The following UQCRB variants were observed in gnomAD, a reference collection of about 807,000 sequenced individuals.
UQCRB encodes the protein cytochrome b-c1 complex subunit 7.
In UQCRB, 12 loss-of-function variants were observed where a neutral mutation model predicts 19.8. The ratio of observed to expected loss-of-function variants is 0.61; its 90% CI spans 0.39 to 0.98. UQCRB has a LOEUF of 0.98. Among genes scored for constraint, UQCRB ranks in the 50% least tolerant of loss-of-function variants. The pLI, the probability that UQCRB is intolerant of heterozygous loss-of-function variation, is 0.00. For missense variants in UQCRB, 142 were observed against 131.8 expected (o/e 1.08, Z -0.38); for synonymous variants, 39 against 42.9 (o/e 0.91, Z 0.35).
In UQCRB at chr8:96,229,430, CTT is replaced by C. The variant is rs1809606698; in HGVS notation, c.*1623_*1624del. 2.2e-6 allele frequency: 1 copy of C among 454,014 alleles called. No homozygotes were observed. Among genetic ancestry groups the C allele is most frequent in the African/African-American group, 2.0e-5 (1 of 50,006 alleles). 28.1% of individuals were successfully genotyped at this position (454,014 alleles called of 1,614,324 possible). On this transcript the variant is annotated 3_prime_UTR_variant, in exon 4 of 4. Transcript: ENST00000287022. ...GCTCCCTACACACCTTGACAGTGCTCTTTGAGATGCCTCAGTTGTAGTCTCCT... is the reference window on the plus strand; with the variant it reads ...GCTCCCTACACACCTTGACAGTGCTCTGAGATGCCTCAGTTGTAGTCTCCT...
chr8:96,228,879 G>A lies in UQCRB; in HGVS notation c.*2176C>T. On this transcript the variant is annotated 3_prime_UTR_variant, in exon 4 of 4. Coordinates refer to ENST00000287022, the MANE Select transcript of UQCRB (RefSeq NM_006294.5). ...AGGACAATGTAGATTTGGTCTACAG[G>A]ACAATGCAGAGTGCCTGTGTTTCAG... The A allele has an allele frequency of 2.2e-6, 1 of 454,080 alleles. No individual in the cohort carries two copies. Among genetic ancestry groups the A allele is most frequent in the South Asian group, 1.6e-5 (1 of 64,476 alleles). 28.1% of individuals were successfully genotyped at this position (454,080 alleles called of 1,614,324 possible).
chr8:96,231,149 A>G lies in UQCRB; in HGVS notation c.259-17T>C. 6.2e-7 allele frequency: 1 copy of G among 1,614,140 alleles called. No homozygotes were observed. Among genetic ancestry groups the G allele is most frequent in the East Asian group, 2.2e-5 (1 of 44,862 alleles). On this transcript the variant is annotated splice_polypyrimidine_tract_variant and intron_variant, in intron 3 of 3. Coordinates refer to ENST00000287022, the MANE Select transcript of UQCRB (RefSeq NM_006294.5). ...GAAATTTTCCTAAAGAATGAATGAA[A>G]TATTATATGTTACCATCACGTACTG...
intron 3 of UQCRB, 159 bp from the exon 4 acceptor site, chr8:96,231,291 A>T (rs1003322181): frequency 6.4e-6 from 10 of 1,557,312 alleles, no homozygotes; most frequent in Non-Finnish European, 8.7e-6. Flanking sequence ...TAAAATGTCA[A>T]ATCTGTGGTG....
rs1809480991 is a variant in UQCRB at position 96,223,617 on chromosome 8, A to T, written c.*7438T>A. ...AGCTTCTCTCAGTAGGCAGAATTTA[A>T]TTTTTGTCTTAAAGTAAAGCTAGAA... is the stretch of plus-strand genomic sequence containing the variant. On this transcript the variant is annotated 3_prime_UTR_variant, in exon 4 of 4. Coordinates refer to ENST00000287022, the MANE Select transcript of UQCRB (RefSeq NM_006294.5). Among the ~76,000 whole-genome samples, 1 of 148,278 alleles carries T rather than the reference A, an allele frequency of 6.7e-6. No homozygotes were observed. The highest frequency in any genetic ancestry group is 1.5e-5 in the Non-Finnish European group (1 of 67,482).
chr8:96,230,712 C>T lies in UQCRB; in HGVS notation c.*343G>A, dbSNP rs958021364. 44 of 486,688 alleles carry T rather than the reference C, an allele frequency of 9.0e-5. No homozygotes were observed. The highest frequency in any genetic ancestry group is 8.3e-4 in the Admixed American group (36 of 43,508). The allele number at this position is 486,688 out of a possible 1,614,324, so 30.1% of individuals were successfully genotyped here. A position where few individuals can be genotyped will look rare whatever the true frequency, so the allele number is the denominator to read the frequency against. On this transcript the variant is annotated 3_prime_UTR_variant, in exon 4 of 4. Transcript: ENST00000287022. ...TTGGCAAACTAGGGGGTGCATACCC[C>T]CTTCTTTTATTCAGTAGCTTCCATA... is the stretch of plus-strand genomic sequence containing the variant.
Position 96,228,708 on chromosome 8 carries a change from C to T in UQCRB, c.*2347G>A. 1 of 452,010 alleles carries T rather than the reference C, an allele frequency of 2.2e-6. No homozygotes were observed. Among genetic ancestry groups the T allele is most frequent in the East Asian group, 7.0e-5 (1 of 14,366 alleles). 28.0% of individuals were successfully genotyped at this position (452,010 alleles called of 1,614,324 possible). Reference sequence around the variant, plus strand: ...TCTATCATTAGCTCTATCTTAGGGACAAACAAACTGAAGCACGGAGAGGTT... The same window carrying T: ...TCTATCATTAGCTCTATCTTAGGGATAAACAAACTGAAGCACGGAGAGGTT... On this transcript the variant is annotated 3_prime_UTR_variant, in exon 4 of 4. Coordinates refer to ENST00000287022, the MANE Select transcript of UQCRB (RefSeq NM_006294.5).
At chr8:96,235,435 A>G (rs982771188) in intron 1 of UQCRB, 77 bp downstream of exon 1, 4 of 1,604,680 alleles carry the variant, frequency 2.5e-6, no homozygotes, top group Admixed American at 3.3e-5. Context: ...CAAAGAAGAG[A>G]GAAAACGGAG....
Position 96,223,291 on chromosome 8 carries a change from T to C in UQCRB, c.*7764A>G, listed in dbSNP as rs570033770. ...TATCAAAACATCATGCTGTACACCT[T>C]AAATAAAAAAGAAAAGACAACATAG... is the stretch of plus-strand genomic sequence containing the variant. On this transcript the variant is annotated 3_prime_UTR_variant, in exon 4 of 4. Transcript: ENST00000287022. Among the ~76,000 whole-genome samples, 4 of 152,180 alleles carry C rather than the reference T, an allele frequency of 2.6e-5. No homozygotes were observed. Among genetic ancestry groups the C allele is most frequent in the Admixed American group, 2.6e-4 (4 of 15,286 alleles).
intron 1 of UQCRB, chr8:96,234,643 C>T (rs1809758124): frequency 5.6e-6 from 3 of 531,296 alleles, no homozygotes; most frequent in Non-Finnish European, 9.7e-6. Context: ...TTCCTAACAG[C>T]TTCACAATTG....
Position 96,231,922 on chromosome 8 carries a change from G to C in UQCRB, c.110C>G (p.Thr37Arg), listed in dbSNP as rs758600342. The C allele has an allele frequency of 1.2e-6, 2 of 1,613,326 alleles. No homozygotes were observed. The highest frequency in any genetic ancestry group is 1.3e-5 in the African/African-American group (1 of 75,026). ...TTTTACATCTTCATCCTCGTATATT[G>C]TATCATCTCGCATTAACCCTATGAT... is the stretch of plus-strand genomic sequence containing the variant. Reference protein sequence around the residue: ...FNKLGLMRDDTIYEDEDVKEA... With the variant: ...FNKLGLMRDDRIYEDEDVKEA... Residue 37 changes from threonine to arginine, a missense_variant, in exon 3 of 4, where the codon ACA becomes AGA. Physicochemically the swap from Thr to Arg is moderately conservative, Grantham distance 71. Around this residue, in one of 2 missense-constraint regions of UQCRB, gnomAD observed 132 missense variants for 107.5 expected, o/e 1.23. Transcript: ENST00000287022.
At position 96,232,082 on chromosome 8, in the gene UQCRB, A is replaced by G; in HGVS notation, c.92-142T>C. 4 of 783,080 alleles carry G rather than the reference A, an allele frequency of 5.1e-6. No homozygotes were observed. In the South Asian group the frequency reaches 6.5e-5, roughly 13 times the overall value. The allele number at this position is 783,080 out of a possible 1,614,324, so 48.5% of individuals were successfully genotyped here. A position where few individuals can be genotyped will look rare whatever the true frequency, so the allele number is the denominator to read the frequency against. ...AATCACTAGGTTCAATGGAAATTCA[A>G]TGCATTTCATACATTATAGGTTGGT... On this transcript the variant is annotated intron_variant, in intron 2 of 3. Transcript: ENST00000287022.
Position 96,233,211 on chromosome 8 carries a change from C to T in UQCRB, c.36G>A (p.Lys12=). The T allele has an allele frequency of 6.2e-7, 1 of 1,613,642 alleles. No homozygotes were observed. The highest frequency in any genetic ancestry group is 2.2e-5 in the East Asian group (1 of 44,856). ...AGKQAVSASG[K]WLDGIRKWYY... Reference sequence around the variant, plus strand: ...ACCATTTTCGAATACCATCCAGCCACTTGCCTGATGCTGAAACTGATAATT... The same window carrying T: ...ACCATTTTCGAATACCATCCAGCCATTTGCCTGATGCTGAAACTGATAATT... The change falls in exon 2 of 4, where the codon AAG becomes AAA. Residue 12 remains lysine (K), a synonymous_variant. Coordinates refer to ENST00000287022, the MANE Select transcript of UQCRB (RefSeq NM_006294.5).
chr8:96,232,993 A>T, intron 2 of UQCRB, 163 bp downstream of exon 2: 1 of 659,772 alleles, frequency 1.5e-6, no homozygotes, highest in Non-Finnish European at 2.6e-6. Flanking sequence ...AACTGGATTT[A>T]ACATAATGTG....
At position 96,229,888 on chromosome 8, in the gene UQCRB, A is replaced by G. The variant is rs1259098422; in HGVS notation, c.*1167T>C. On this transcript the variant is annotated 3_prime_UTR_variant, in exon 4 of 4. Transcript: ENST00000287022. Reference sequence around the variant, plus strand: ...TTGCTTTACAAACTTTAAATGTAACACAAATTCGTTTTTCACACTGTTTTG... The same window carrying G: ...TTGCTTTACAAACTTTAAATGTAACGCAAATTCGTTTTTCACACTGTTTTG... 2.2e-6 allele frequency: 1 copy of G among 445,246 alleles called. No homozygotes were observed. Among genetic ancestry groups the G allele is most frequent in the Non-Finnish European group, 4.5e-6 (1 of 221,794 alleles). 27.6% of individuals were successfully genotyped at this position (445,246 alleles called of 1,614,324 possible). A position where few individuals can be genotyped will look rare whatever the true frequency, so the allele number is the denominator to read the frequency against.
At position 96,228,835 on chromosome 8, in the gene UQCRB, A is replaced by C. The variant is rs760827151; in HGVS notation, c.*2220T>G. On this transcript the variant is annotated 3_prime_UTR_variant, in exon 4 of 4. Coordinates refer to ENST00000287022, the MANE Select transcript of UQCRB (RefSeq NM_006294.5). ...ATCACTCTACCATTCGGTCTACAGG[A>C]CAATGTAGACCAGACTACAGGACAA... 1 of 454,110 alleles carries C rather than the reference A, an allele frequency of 2.2e-6. No individual in the cohort carries two copies. Among genetic ancestry groups the C allele is most frequent in the South Asian group, 1.6e-5 (1 of 64,478 alleles). 28.1% of individuals were successfully genotyped at this position (454,110 alleles called of 1,614,324 possible).
In UQCRB at chr8:96,232,303, ATC is replaced by A. The variant is rs201662431; in HGVS notation, c.92-365_92-364del. 6.0e-3 allele frequency: 1,416 copies of A among 234,538 alleles called. 21 individuals are homozygous for A. Among genetic ancestry groups the A allele is most frequent in the African/African-American group, 0.03 (1,315 of 43,352 alleles). 14.5% of individuals were successfully genotyped at this position (234,538 alleles called of 1,614,324 possible). On this transcript the variant is annotated intron_variant, in intron 2 of 3. Transcript: ENST00000287022. Reference sequence around the variant, plus strand: ...TTTTAAACACACATTAATAAACCACATCTCTTTTTTCTCATAGTTTAAATCTG... The same window carrying A: ...TTTTAAACACACATTAATAAACCACATCTTTTTTCTCATAGTTTAAATCTG...
rs1324480253 is a variant in UQCRB at position 96,229,698 on chromosome 8, C to T, written c.*1357G>A. ...AACCATTATCAAGTGATCTAGTTGT[C>T]TTCAACCATACAAAAGAAAATTGAC... On this transcript the variant is annotated 3_prime_UTR_variant, in exon 4 of 4. Transcript: ENST00000287022. 5 of 452,034 alleles carry T rather than the reference C, an allele frequency of 1.1e-5. No individual in the cohort carries two copies. The highest frequency in any genetic ancestry group is 2.2e-5 in the Non-Finnish European group (5 of 226,514). The allele number at this position is 452,034 out of a possible 1,614,324, so 28.0% of individuals were successfully genotyped here. A position where few individuals can be genotyped will look rare whatever the true frequency, so the allele number is the denominator to read the frequency against.
At position 96,229,679 on chromosome 8, in the gene UQCRB, T is replaced by C. The variant is rs1370468928; in HGVS notation, c.*1376A>G. ...CACAATGTGACCTGAGCAAAACCAT[T>C]ATCAAGTGATCTAGTTGTCTTCAAC... On this transcript the variant is annotated 3_prime_UTR_variant, in exon 4 of 4. Coordinates refer to ENST00000287022, the MANE Select transcript of UQCRB (RefSeq NM_006294.5). 2 of 453,700 alleles carry C rather than the reference T, an allele frequency of 4.4e-6. No individual in the cohort carries two copies. Among genetic ancestry groups the C allele is most frequent in the Middle Eastern group, 6.9e-4 (1 of 1,444 alleles). 28.1% of individuals were successfully genotyped at this position (453,700 alleles called of 1,614,324 possible). A position where few individuals can be genotyped will look rare whatever the true frequency, so the allele number is the denominator to read the frequency against.
chr8:96,231,915 G>A lies in UQCRB; in HGVS notation c.117C>T (p.Tyr39=), dbSNP rs779304514. Residue 39 remains tyrosine, a synonymous_variant, in exon 3 of 4, where the codon TAC becomes TAT. Transcript: ENST00000287022. ...KLGLMRDDTI[Y]EDEDVKEAIR... ...TGGCTTCTTTTACATCTTCATCCTC[G>A]TATATTGTATCATCTCGCATTAACC... The A allele has an allele frequency of 2.3e-5, 37 of 1,613,500 alleles. No individual in the cohort carries two copies. In the South Asian group the frequency reaches 3.0e-4, roughly 13 times the overall value.
Sources: gnomAD v4.1 joint callset for allele counts (sites outside exome capture counted in the v4.1 genomes callset) on GRCh38, gnomAD v4.1.1 for gene constraint, gnomAD v4.1.1 regional missense constraint, MANE v1.5 for transcripts, NCBI Gene and HGNC (gene_info 2026-07-23, HGNC 2026-07-21) for gene names.